The following CTTNBP2 variants were observed in gnomAD, a reference collection of about 807,000 sequenced individuals.
CTTNBP2 encodes the protein cortactin-binding protein 2.
A neutral mutation model predicts 156.9 loss-of-function variants in CTTNBP2; 108 were observed. The ratio of observed to expected loss-of-function variants is 0.69; its 90% CI spans 0.59 to 0.81. The LOEUF (loss-of-function observed/expected upper bound fraction) is 0.81. Ranked by LOEUF, CTTNBP2 falls within the 30% of genes least tolerant of loss-of-function variation. CTTNBP2 has a pLI of 0.00. For synonymous variants in CTTNBP2, 767 were observed against 751.8 expected (o/e 1.02, Z -0.33); for missense variants, 1,924 against 2,035.4 (o/e 0.95, Z 1.05).
chr7:117,784,211 C>T (rs1798577444), intron 5 of CTTNBP2, 40 bp downstream of exon 5: 1 of 1,453,502 alleles, frequency 6.9e-7, no homozygotes, highest in African/African-American at 1.4e-5. Context: ...GACTTTCCAT[C>T]CTTTTGCAAG....
Position 117,808,561 on chromosome 7 carries a change from A to G in CTTNBP2, c.414+2204T>C, listed in dbSNP as rs374535191. On this transcript the variant is annotated intron_variant, in intron 3 of 22. Coordinates refer to ENST00000160373, the MANE Select transcript of CTTNBP2 (RefSeq NM_033427.3). ...CCTGCCTTGAGAGGCAAACTAGAGC[A>G]GCGCTCAGGCCAAGTGTCTTAGAAT... Among the ~76,000 whole-genome samples the G allele has an allele frequency of 1.2e-4, 18 of 152,362 alleles. No homozygotes were observed. The East Asian group carries it at 2.9e-3, about 24-fold the overall frequency.
Position 117,792,307 on chromosome 7 carries a change from T to A in CTTNBP2, c.889A>T (p.Thr297Ser). 5.0e-6 allele frequency: 8 copies of A among 1,614,208 alleles called. No homozygotes were observed. Among genetic ancestry groups the A allele is most frequent in the Non-Finnish European group, 6.8e-6 (8 of 1,180,020 alleles). The change falls in exon 4 of 23, where the codon ACA becomes TCA. Residue 297 changes from threonine to serine, a missense_variant. Transcript: ENST00000160373. This position sits in a 1 kb window ranked among gnomAD's most constrained non-coding sequence, Gnocchi z 4.2. ...ACAGACCTTGTCACAGTTCCTTCTG[T>A]TCCCACAGATATGGAAACCAAACGC... ...DRRLVSISVG[T>S]EGTVTRSVAC...
chr7:117,738,414 T>C (rs941392785), intron 14 of CTTNBP2, among the ~76,000 whole-genome samples: 3 of 152,098 alleles, frequency 2.0e-5, no homozygotes, highest in Non-Finnish European at 4.4e-5. Flanking sequence ...GTGCAGAGAA[T>C]TGGCTGAGGA....
chr7:117,870,786 C>T (rs185733698), intron 1 of CTTNBP2, among the ~76,000 whole-genome samples: 38 of 152,268 alleles, frequency 2.5e-4, no homozygotes, highest in African/African-American at 7.9e-4. Flanking sequence ...CCAGGTTTCC[C>T]GGCACGGTTC....
At chr7:117,794,016 C>T (rs2116876251) in intron 3 of CTTNBP2, among the ~76,000 whole-genome samples, 1 of 152,316 alleles carries the variant, frequency 6.6e-6, no homozygotes, top group African/African-American at 2.4e-5. Flanking sequence ...CCCCTCACCC[C>T]AAGTATGACT....
chr7:117,872,949 G>A (rs551317363), intron 1 of CTTNBP2, among the ~76,000 whole-genome samples: 45 of 152,152 alleles, frequency 3.0e-4, no homozygotes, highest in Middle Eastern at 6.8e-3. Flanking sequence ...CGCGCGCAGC[G>A]AGAGGTGAAC....
intron 2 of CTTNBP2, among the ~76,000 whole-genome samples, chr7:117,842,988 A>C (rs965422892): frequency 6.6e-6 from 1 of 152,220 alleles, no homozygotes; most frequent in Non-Finnish European, 1.5e-5. Flanking sequence ...AGCCCTCTGT[A>C]TTCATGGGCT....
At chr7:117,719,975 C>G (rs184297375) in intron 20 of CTTNBP2, among the ~76,000 whole-genome samples, 1 of 152,144 alleles carries the variant, frequency 6.6e-6, no homozygotes, top group Non-Finnish European at 1.5e-5. Flanking sequence ...GGGACAAACA[C>G]GGATTTCAAA....
rs918687448 is a variant in CTTNBP2 at position 117,732,460 on chromosome 7, C to G, written c.3876+2453G>C. On this transcript the variant is annotated intron_variant, in intron 16 of 22. Transcript: ENST00000160373. ...GGTCAGGAGATCGAGACCATCCTGG[C>G]TAACATGGTGAAACCCCGTCTCTAC... is the stretch of plus-strand genomic sequence containing the variant. Among the ~76,000 whole-genome samples the G allele has an allele frequency of 3.3e-5, 5 of 151,142 alleles. No homozygotes were observed. The South Asian group carries it at 6.2e-4, about 19-fold the overall frequency.
chr7:117,866,195 C>T (rs113739203), intron 1 of CTTNBP2, among the ~76,000 whole-genome samples: 38 of 152,070 alleles, frequency 2.5e-4, no homozygotes, highest in African/African-American at 8.2e-4. Flanking sequence ...CAGAATTGAA[C>T]ACAGGCCAAT....
chr7:117,858,016 A>G (rs139824942), intron 2 of CTTNBP2, among the ~76,000 whole-genome samples: 106 of 152,358 alleles, frequency 7.0e-4, no homozygotes, highest in African/African-American at 2.5e-3. Flanking sequence ...ACCTACTGTA[A>G]AAAACACAAT....
intron 2 of CTTNBP2, among the ~76,000 whole-genome samples, chr7:117,820,797 A>T (rs761457101): frequency 1.3e-5 from 2 of 152,162 alleles, no homozygotes; most frequent in Admixed American, 6.5e-5. Flanking sequence ...TTCTTTTTTT[A>T]AATTGCTTTT....
intron 9 of CTTNBP2, 43 bp from the exon 10 acceptor site, chr7:117,760,753 C>G: frequency 1.4e-6 from 2 of 1,384,650 alleles, no homozygotes; most frequent in Non-Finnish European, 2.0e-6. Flanking sequence ...AAAATCTGGA[C>G]AGAAAAAAAA....
chr7:117,789,091 G>A (rs149140688), intron 4 of CTTNBP2, among the ~76,000 whole-genome samples: 1 of 152,074 alleles, frequency 6.6e-6, no homozygotes, highest in East Asian at 1.9e-4. Context: ...TGAATCCTAG[G>A]GCAGGATATC....
chr7:117,753,745 A>G (rs1289668171), intron 12 of CTTNBP2, among the ~76,000 whole-genome samples: 2 of 148,640 alleles, frequency 1.3e-5, no homozygotes, highest in Non-Finnish European at 3.0e-5. Flanking sequence ...GGAACAACAT[A>G]CACTGGGGCC....
At chr7:117,793,053 A>G (rs1799123118) in intron 3 of CTTNBP2, among the ~76,000 whole-genome samples, 1 of 152,250 alleles carries the variant, frequency 6.6e-6, no homozygotes, top group African/African-American at 2.4e-5. Context: ...AAAGAGAACA[A>G]TAACCAGATG....
At chr7:117,743,200 T>C (rs1232740305) in intron 14 of CTTNBP2, among the ~76,000 whole-genome samples, 1 of 152,266 alleles carries the variant, frequency 6.6e-6, no homozygotes, top group African/African-American at 2.4e-5. Flanking sequence ...CCAGTTTTCT[T>C]AGCTCTCTAA....
At chr7:117,773,010 T>TA (rs1797874729) in intron 8 of CTTNBP2, among the ~76,000 whole-genome samples, 1 of 152,060 alleles carries the variant, frequency 6.6e-6, no homozygotes, top group Non-Finnish European at 1.5e-5. Context: ...AACAATTTTT[T>TA]AAAAAAATTA....
intron 2 of CTTNBP2, among the ~76,000 whole-genome samples, chr7:117,834,057 C>CTTT (rs66655327): frequency 4.6e-4 from 68 of 146,752 alleles, no homozygotes; most frequent in Non-Finnish European, 2.7e-4. Context: ...TTTCTTTCTT[C>CTTT]TTTTTTTTTT....
Sources: allele counts gnomAD v4.1 joint callset (sites outside exome capture counted in the v4.1 genomes callset), GRCh38; gene constraint gnomAD v4.1.1; non-coding constraint Gnocchi (gnomAD v3.1); transcripts MANE v1.5; gene names NCBI Gene and HGNC (gene_info 2026-07-23, HGNC 2026-07-21).